ZNF562: variants seen among roughly 807,000 people sequenced by gnomAD.
ZNF562 encodes the protein zinc finger protein 562.
ZNF562 carries 13 observed loss-of-function variants against 17.5 expected under a neutral mutation model. The ratio of observed to expected loss-of-function variants is 0.74; its 90% CI spans 0.48 to 1.18. The LOEUF is 1.18. ZNF562 is among the 50% of genes most tolerant of loss of function. The probability of loss-of-function intolerance (pLI) is 0.00; values close to 1 mark genes in which losing one functional copy is unlikely to be tolerated. For missense variants in ZNF562, 481 were observed against 498.5 expected (o/e 0.96, Z 0.33); for synonymous variants, 163 against 165.4 (o/e 0.99, Z 0.11).
intron 4 of ZNF562, among the ~76,000 whole-genome samples, chr19:9,656,903 G>A (rs894744745): frequency 1.7e-4 from 25 of 148,300 alleles, no homozygotes; most frequent in Non-Finnish European, 2.2e-4. Context: ...AGCCGGGCGC[G>A]TTGGCATGTG....
At position 9,659,367 on chromosome 19, in the gene ZNF562, T is replaced by G; in HGVS notation, c.114+12A>C. ...GTATGTCATTTTGTACAACGGTACA[T>G]TTTCTGTTTACCTGGTAAGAATTTG... On this transcript the variant is annotated intron_variant, in intron 3 of 5. Coordinates refer to ENST00000453372, the MANE Select transcript of ZNF562 (RefSeq NM_001130031.2). 6.5e-7 allele frequency: 1 copy of G among 1,549,028 alleles called. No individual in the cohort carries two copies. The highest frequency in any genetic ancestry group is 8.7e-7 in the Non-Finnish European group (1 of 1,144,830).
intron 4 of ZNF562, among the ~76,000 whole-genome samples, chr19:9,657,130 A>T (rs1217044441): frequency 6.6e-6 from 1 of 151,736 alleles, no homozygotes; most frequent in East Asian, 1.9e-4. Context: ...TTATTACACA[A>T]CTGATGTGTT....
At chr19:9,665,374 T>C (rs2043917026) in intron 1 of ZNF562, among the ~76,000 whole-genome samples, 1 of 152,076 alleles carries the variant, frequency 6.6e-6, no homozygotes, top group African/African-American at 2.4e-5. Context: ...GTTTCTACAC[T>C]GGAAAAAACT....
At position 9,644,112 on chromosome 19, in the gene ZNF562, C is replaced by A. The variant is rs1183384765; in HGVS notation, c.*8837G>T. 6.6e-6 allele frequency: 1 copy of A among 151,698 alleles called. No homozygotes were observed. The highest frequency in any genetic ancestry group is 1.5e-5 in the Non-Finnish European group (1 of 67,942). 9.4% of individuals were successfully genotyped at this position (151,698 alleles called of 1,614,324 possible). ...ACCTGGCTTACTTAGTGAATTTGTA[C>A]CAATATTCATTACCAATATAATTCT... is the stretch of plus-strand genomic sequence containing the variant. On this transcript the variant is annotated 3_prime_UTR_variant, in exon 6 of 6. Transcript: ENST00000453372.
chr19:9,652,598 C>T lies in ZNF562; in HGVS notation c.*351G>A. ...TGACCCTTCTTCACAGATGCCCAGA[C>T]TCAGGTAACCATGATGTTGTATTCA... On this transcript the variant is annotated 3_prime_UTR_variant, in exon 6 of 6. Transcript: ENST00000453372. 5.7e-6 allele frequency: 1 copy of T among 174,820 alleles called. No homozygotes were observed. Among genetic ancestry groups the T allele is most frequent in the Non-Finnish European group, 1.2e-5 (1 of 82,430 alleles). The allele number at this position is 174,820 out of a possible 1,614,324, so 10.8% of individuals were successfully genotyped here. A position where few individuals can be genotyped will look rare whatever the true frequency, so the allele number is the denominator to read the frequency against.
intron 1 of ZNF562, chr19:9,674,745 G>A (rs1238030288): frequency 1.1e-4 from 17 of 152,214 alleles, no homozygotes; most frequent in Non-Finnish European, 1.5e-5. Flanking sequence ...ACTCCCAAAG[G>A]TTGCTTTCCA....
At chr19:9,655,731 T>C (rs1440943586) in intron 5 of ZNF562, among the ~76,000 whole-genome samples, 4 of 110,500 alleles carry the variant, frequency 3.6e-5, no homozygotes, top group African/African-American at 1.3e-4. Context: ...TTTTTTTTTT[T>C]TTTTTTTTTT....
intron 4 of ZNF562, 107 bp from the exon 5 acceptor site, chr19:9,656,760 C>G: frequency 8.9e-7 from 1 of 1,119,698 alleles, no homozygotes; most frequent in South Asian, 1.4e-5. Context: ...CACGGTGACT[C>G]AGGCCCGTAA....
intron 5 of ZNF562, among the ~76,000 whole-genome samples, chr19:9,656,125 G>A (rs901197953): frequency 1.3e-5 from 2 of 152,110 alleles, no homozygotes; most frequent in African/African-American, 4.8e-5. Context: ...AGCCTCCTAA[G>A]TAGCTGGGAT....
rs935176755 is a variant in ZNF562, at chr19:9,650,386, A to G, written c.*2563T>C. On this transcript the variant is annotated 3_prime_UTR_variant, in exon 6 of 6. Coordinates refer to ENST00000453372, the MANE Select transcript of ZNF562 (RefSeq NM_001130031.2). Reference sequence around the variant, plus strand: ...GGTATACATACATATGTGTATATATATGTATATATATATACACATACACAC... The same window carrying G: ...GGTATACATACATATGTGTATATATGTGTATATATATATACACATACACAC... The G allele has an allele frequency of 1.4e-5, 2 of 146,878 alleles. No homozygotes were observed. The highest frequency in any genetic ancestry group is 3.0e-5 in the Non-Finnish European group (2 of 67,278). 9.1% of individuals were successfully genotyped at this position (146,878 alleles called of 1,614,324 possible). A position where few individuals can be genotyped will look rare whatever the true frequency, so the allele number is the denominator to read the frequency against.
Position 9,645,190 on chromosome 19 carries a change from G to T in ZNF562, c.*7759C>A, listed in dbSNP as rs2074798422. On this transcript the variant is annotated 3_prime_UTR_variant, in exon 6 of 6. Coordinates refer to ENST00000453372, the MANE Select transcript of ZNF562 (RefSeq NM_001130031.2). ...AGCCCCCAAGTAGCTGGGACTACAG[G>T]TGAGTGCCACCACACCCAGCTAATT... is the stretch of plus-strand genomic sequence containing the variant. 1 of 152,134 alleles carries T rather than the reference G, an allele frequency of 6.6e-6. No homozygotes were observed. Among genetic ancestry groups the T allele is most frequent in the Non-Finnish European group, 1.5e-5 (1 of 68,068 alleles). The allele number at this position is 152,134 out of a possible 1,614,324, so 9.4% of individuals were successfully genotyped here.
At position 9,649,393 on chromosome 19, in the gene ZNF562, C is replaced by G. The variant is rs1460707746; in HGVS notation, c.*3556G>C. ...ATGTTTAGGAAACAAGAGAGATAAC[C>G]TTAAATTCTGACCGCCGGTGAGCCA... On this transcript the variant is annotated 3_prime_UTR_variant, in exon 6 of 6. Coordinates refer to ENST00000453372, the MANE Select transcript of ZNF562 (RefSeq NM_001130031.2). The G allele has an allele frequency of 6.6e-6, 1 of 152,184 alleles. No homozygotes were observed. Among genetic ancestry groups the G allele is most frequent in the Non-Finnish European group, 1.5e-5 (1 of 68,038 alleles). 9.4% of individuals were successfully genotyped at this position (152,184 alleles called of 1,614,324 possible). A position where few individuals can be genotyped will look rare whatever the true frequency, so the allele number is the denominator to read the frequency against.
At chr19:9,660,610 G>GAAAAA in intron 2 of ZNF562, 110 bp downstream of exon 2, 1 of 921,528 alleles carries the variant, frequency 1.1e-6, no homozygotes, top group Non-Finnish European at 1.6e-6. Flanking sequence ...CCATCTAAAA[G>GAAAAA]AAAAAAAAAA....
At chr19:9,663,277 G>A (rs1319156939) in intron 1 of ZNF562, among the ~76,000 whole-genome samples, 6 of 151,144 alleles carry the variant, frequency 4.0e-5, no homozygotes. Context: ...CAGGCATGGT[G>A]GCAGGCGCCT....
chr19:9,659,604 A>G (rs1205970129), intron 2 of ZNF562, 137 bp from the exon 3 acceptor site: 8 of 1,123,726 alleles, frequency 7.1e-6, no homozygotes, highest in African/African-American at 6.3e-5. Context: ...ACTTCCATGA[A>G]ATGCCGTAGT....
At chr19:9,659,823 G>T (rs148963162) in intron 2 of ZNF562, among the ~76,000 whole-genome samples, 1 of 151,072 alleles carries the variant, frequency 6.6e-6, no homozygotes, top group Non-Finnish European at 1.5e-5. Flanking sequence ...TGGGCACAGA[G>T]GCTCATGCCT....
chr19:9,655,920 C>A (rs1006848282), intron 5 of ZNF562, among the ~76,000 whole-genome samples: 2 of 151,512 alleles, frequency 1.3e-5, no homozygotes, highest in African/African-American at 4.8e-5. Flanking sequence ...TTAGTAGAGA[C>A]AGAGTTTTCA....
At chr19:9,660,628 C>A in intron 2 of ZNF562, 92 bp downstream of exon 2, 4 of 1,265,430 alleles carry the variant, frequency 3.2e-6, no homozygotes, top group South Asian at 1.5e-5. Flanking sequence ...AAAAAAGCAG[C>A]ATGCCTGTTC....
chr19:9,665,099 G>C (rs2043901448), intron 1 of ZNF562, among the ~76,000 whole-genome samples: 1 of 151,954 alleles, frequency 6.6e-6, no homozygotes, highest in African/African-American at 2.4e-5. Flanking sequence ...GCACACGCCT[G>C]AAGTCCCAGC....
Sources: gnomAD v4.1 joint callset for allele counts (sites outside exome capture counted in the v4.1 genomes callset) on GRCh38, gnomAD v4.1.1 for gene constraint, MANE v1.5 for transcripts, NCBI Gene and HGNC (gene_info 2026-07-23, HGNC 2026-07-21) for gene names.